Variants in BUB1B observed in about 807,000 individuals in gnomAD.
The protein encoded by BUB1B is BUB1 mitotic checkpoint serine/threonine kinase B, also known as mitotic checkpoint serine/threonine-protein kinase BUB1 beta.
A neutral mutation model predicts 137.7 loss-of-function variants in BUB1B; 86 were observed. The observed-to-expected ratio is 0.62, with a 90% CI of 0.52 to 0.75. BUB1B has a LOEUF of 0.75. Among genes scored for constraint, BUB1B ranks in the 30% least tolerant of loss-of-function variants. BUB1B has a pLI of 0.00. For synonymous variants in BUB1B, 420 were observed against 417.9 expected (o/e 1.00, Z -0.06); for missense variants, 1,130 against 1,236.9 (o/e 0.91, Z 1.30).
At chr15:40,210,435 C>T (rs1482729386) in intron 18 of BUB1B, among the ~76,000 whole-genome samples, 1 of 152,068 alleles carries the variant, frequency 6.6e-6, no homozygotes, top group Non-Finnish European at 1.5e-5. Context: ...TCACCACACA[C>T]AATCACCTTG....
rs1427537578 is a variant in BUB1B at position 40,220,939 on chromosome 15, A to C, written c.*180A>C. Reference sequence around the variant, plus strand: ...ATATTTTTTATACAGTGATATACTTACTCATGGCCTTGTCTAACTTTTGTG... The same window carrying C: ...ATATTTTTTATACAGTGATATACTTCCTCATGGCCTTGTCTAACTTTTGTG... On this transcript the variant is annotated 3_prime_UTR_variant, in exon 23 of 23. Transcript: ENST00000287598. 1.5e-6 allele frequency: 1 copy of C among 665,694 alleles called. No individual in the cohort carries two copies. Among genetic ancestry groups the C allele is most frequent in the East Asian group, 2.8e-5 (1 of 36,284 alleles). 41.2% of individuals were successfully genotyped at this position (665,694 alleles called of 1,614,324 possible). A position where few individuals can be genotyped will look rare whatever the true frequency, so the allele number is the denominator to read the frequency against.
chr15:40,212,040 G>T (rs1335231723), intron 18 of BUB1B, among the ~76,000 whole-genome samples: 1 of 152,200 alleles, frequency 6.6e-6, no homozygotes, highest in East Asian at 1.9e-4. Flanking sequence ...CATAATCATT[G>T]GTCAGGCTGG....
At chr15:40,182,456 T>C (rs1332810473) in intron 5 of BUB1B, among the ~76,000 whole-genome samples, 2 of 152,230 alleles carry the variant, frequency 1.3e-5, no homozygotes, top group African/African-American at 4.8e-5. Flanking sequence ...ACAAGTTCTT[T>C]GTCATCTTGT....
Position 40,202,597 on chromosome 15 carries a change from C to T in BUB1B, c.1637C>T (p.Ala546Val). The change falls in exon 14 of 23, where the codon GCA (alanine) becomes GTA (valine). Residue 546 changes from alanine (A) to valine (V), a missense_variant. Coordinates refer to ENST00000287598, the MANE Select transcript of BUB1B (RefSeq NM_001211.6). Reference protein sequence around the residue: ...LSEKKNKSPPADPPRVLAQRR... With the variant: ...LSEKKNKSPPVDPPRVLAQRR... ...GGTATGTCTTTTTCCAGTCCTCCTGCAGATCCCCCACGAGTTTTAGCTCAA... is the reference window on the plus strand; with the variant it reads ...GGTATGTCTTTTTCCAGTCCTCCTGTAGATCCCCCACGAGTTTTAGCTCAA... The T allele has an allele frequency of 6.2e-7, 1 of 1,613,944 alleles. No homozygotes were observed.
chr15:40,211,403 A>C (rs750811167), intron 18 of BUB1B, among the ~76,000 whole-genome samples: 5 of 151,974 alleles, frequency 3.3e-5, no homozygotes, highest in Non-Finnish European at 7.4e-5. Flanking sequence ...TGTGGACCTC[A>C]ATGTAGGATG....
intron 6 of BUB1B, among the ~76,000 whole-genome samples, chr15:40,184,121 T>C (rs532585525): frequency 6.6e-6 from 1 of 152,068 alleles, no homozygotes; most frequent in Non-Finnish European, 1.5e-5. Context: ...ATTTTCTGAG[T>C]TTGAATTGTT....
intron 2 of BUB1B, among the ~76,000 whole-genome samples, chr15:40,168,376 A>C (rs2037125749): frequency 6.6e-6 from 1 of 152,180 alleles, no homozygotes; most frequent in Non-Finnish European, 1.5e-5. Flanking sequence ...TCAAAAAAAA[A>C]AGAAAAGGAA....
At chr15:40,215,044 A>T (rs897477806) in intron 20 of BUB1B, among the ~76,000 whole-genome samples, 5 of 152,188 alleles carry the variant, frequency 3.3e-5, no homozygotes, top group South Asian at 2.1e-4. Flanking sequence ...TGGTCTAATG[A>T]AGTACGATAA....
intron 8 of BUB1B, among the ~76,000 whole-genome samples, chr15:40,190,198 C>G (rs1050689127): frequency 2.0e-5 from 3 of 152,184 alleles, no homozygotes; most frequent in Non-Finnish European, 4.4e-5. Flanking sequence ...GGTATGACAG[C>G]AAAACTAACT....
chr15:40,219,726 A>G (rs1349482999), intron 22 of BUB1B, among the ~76,000 whole-genome samples: 2 of 76,128 alleles, frequency 2.6e-5, no homozygotes, highest in Non-Finnish European at 6.0e-5. Flanking sequence ...TCTCAAAAAA[A>G]ACTAAGTATC....
intron 14 of BUB1B, among the ~76,000 whole-genome samples, chr15:40,204,939 C>T (rs1302108504): frequency 3.5e-5 from 5 of 141,474 alleles, no homozygotes; most frequent in African/African-American, 1.3e-4. Context: ...TGTACCTGGC[C>T]AAATCTTTTT....
intron 5 of BUB1B, among the ~76,000 whole-genome samples, chr15:40,178,828 T>TATTA (rs1393114500): frequency 6.6e-6 from 1 of 152,120 alleles, no homozygotes; most frequent in Non-Finnish European, 1.5e-5. Flanking sequence ...CCTGGTCTGA[T>TATTA]ATTAGTACAG....
chr15:40,208,796 A>G, intron 16 of BUB1B, 26 bp downstream of exon 16: 1 of 1,587,618 alleles, frequency 6.3e-7, no homozygotes, highest in Non-Finnish European at 8.6e-7. Flanking sequence ...CACTATATCC[A>G]TGCCTAGTGA....
intron 5 of BUB1B, among the ~76,000 whole-genome samples, chr15:40,179,232 A>C (rs1466980740): frequency 2.6e-5 from 4 of 152,114 alleles, no homozygotes; most frequent in Non-Finnish European, 4.4e-5. Context: ...AAATGAACAT[A>C]GTTGTGACAT....
At chr15:40,217,989 A>G (rs2037823011) in intron 21 of BUB1B, among the ~76,000 whole-genome samples, 1 of 152,232 alleles carries the variant, frequency 6.6e-6, no homozygotes, top group Non-Finnish European at 1.5e-5. Context: ...CTATGTGTTT[A>G]TCAGAATTGT....
At chr15:40,170,883 C>A (rs2037154460) in intron 4 of BUB1B, among the ~76,000 whole-genome samples, 1 of 152,084 alleles carries the variant, frequency 6.6e-6, no homozygotes, top group South Asian at 2.1e-4. Context: ...GGTATTTTCG[C>A]CCTTTTAAGA....
chr15:40,183,491 A>G (rs1057404944), intron 5 of BUB1B, among the ~76,000 whole-genome samples: 1 of 152,248 alleles, frequency 6.6e-6, no homozygotes, highest in Non-Finnish European at 1.5e-5. Flanking sequence ...TAAATTGGTC[A>G]AACTTGGGCA....
intron 5 of BUB1B, 114 bp from the exon 6 acceptor site, chr15:40,183,600 C>A: frequency 1.1e-6 from 1 of 901,972 alleles, no homozygotes; most frequent in Non-Finnish European, 1.8e-6. Flanking sequence ...TGGGATATTT[C>A]TGCATTCTTC....
At chr15:40,202,542 G>T (rs753903551) in intron 13 of BUB1B, 47 bp from the exon 14 acceptor site, 17 of 1,597,732 alleles carry the variant, frequency 1.1e-5, no homozygotes, top group Non-Finnish European at 4.3e-6. Context: ...TAAATTAGGG[G>T]TTACTGTTAT....
Sources: allele counts gnomAD v4.1 joint callset (sites outside exome capture counted in the v4.1 genomes callset), GRCh38; gene constraint gnomAD v4.1.1; transcripts MANE v1.5; gene names NCBI Gene and HGNC (gene_info 2026-07-23, HGNC 2026-07-21).